RNF130: variants seen among roughly 807,000 people sequenced by gnomAD.
The protein encoded by RNF130 is E3 ubiquitin-protein ligase RNF130.
A neutral mutation model predicts 44.6 loss-of-function variants in RNF130; 21 were observed. The observed-to-expected ratio is 0.47, with a 90% confidence interval of 0.33 to 0.68. The LOEUF (loss-of-function observed/expected upper bound fraction) is 0.68, where lower values mean the gene tolerates loss of function less well. Among genes scored for constraint, RNF130 ranks in the 30% least tolerant of loss-of-function variants. The pLI, the probability that RNF130 is intolerant of heterozygous loss-of-function variation, is 0.02. For synonymous variants in RNF130, 214 were observed against 210.4 expected (o/e 1.02, Z -0.15); for missense variants, 479 against 560.6 (o/e 0.85, Z 1.47).
chr5:180,002,760 T>A (rs1763375197), intron 3 of RNF130, among the ~76,000 whole-genome samples: 2 of 152,192 alleles, frequency 1.3e-5, no homozygotes, highest in Non-Finnish European at 2.9e-5. Flanking sequence ...CTCAAACGTC[T>A]GTGCTCTCCA....
intron 7 of RNF130, among the ~76,000 whole-genome samples, chr5:179,949,547 T>C (rs923933241): frequency 9.9e-5 from 15 of 152,168 alleles, no homozygotes; most frequent in African/African-American, 3.6e-4. Context: ...TCTCTTGCAT[T>C]ACAAAAGTTT....
intron 7 of RNF130, among the ~76,000 whole-genome samples, chr5:179,935,868 A>G (rs921834648): frequency 4.6e-5 from 7 of 152,078 alleles, no homozygotes; most frequent in African/African-American, 1.2e-4. Context: ...TCCTTCCTGG[A>G]CAATGCAAGC....
chr5:179,937,284 C>G (rs1761904942), intron 7 of RNF130, among the ~76,000 whole-genome samples: 1 of 152,024 alleles, frequency 6.6e-6, no homozygotes, highest in African/African-American at 2.4e-5. Context: ...ATGGAGAAAA[C>G]ATTTGTAAAT....
chr5:180,024,413 A>C (rs1217750026), intron 2 of RNF130, among the ~76,000 whole-genome samples: 2 of 152,182 alleles, frequency 1.3e-5, no homozygotes, highest in African/African-American at 4.8e-5. Context: ...TATCTTCCCA[A>C]TTTTTCCATA....
intron 7 of RNF130, chr5:179,933,757 A>G (rs1386542623): frequency 4.4e-6 from 2 of 459,042 alleles, no homozygotes; most frequent in African/African-American, 4.1e-5. Context: ...TCTTAGGCGC[A>G]AGCGATTCAC....
In RNF130 at chr5:180,071,721, C is replaced by G; in HGVS notation, c.-19G>C. On this transcript the variant is annotated 5_prime_UTR_variant, in exon 1 of 9. Coordinates refer to ENST00000521389, the MANE Select transcript of RNF130 (RefSeq NM_018434.6). Reference sequence around the variant, plus strand: ...AGCTCATCGTCCCTCCGGCAGCCGCCGCTGCTCGCGGACCGGGCTCCGGGG... The same window carrying G: ...AGCTCATCGTCCCTCCGGCAGCCGCGGCTGCTCGCGGACCGGGCTCCGGGG... 8.1e-7 allele frequency: 1 copy of G among 1,240,388 alleles called. No homozygotes were observed. Among genetic ancestry groups the G allele is most frequent in the Non-Finnish European group, 1.0e-6 (1 of 993,462 alleles). The allele number at this position is 1,240,388 out of a possible 1,614,324, so 76.8% of individuals were successfully genotyped here. A position where few individuals can be genotyped will look rare whatever the true frequency, so the allele number is the denominator to read the frequency against.
At chr5:180,009,882 C>T (rs758845297) in intron 3 of RNF130, among the ~76,000 whole-genome samples, 2 of 152,100 alleles carry the variant, frequency 1.3e-5, no homozygotes, top group Non-Finnish European at 1.5e-5. Flanking sequence ...ATTAAACAAA[C>T]GGTGGTACAT....
chr5:179,950,954 T>C (rs1360611633), downstream of RNF130, among the ~76,000 whole-genome samples: 3 of 152,134 alleles, frequency 2.0e-5, no homozygotes, highest in African/African-American at 7.2e-5. Flanking sequence ...AACTATACCA[T>C]GAATCTACGA....
intron 2 of RNF130, among the ~76,000 whole-genome samples, chr5:180,027,861 G>A (rs1764025654): frequency 6.6e-6 from 1 of 152,186 alleles, no homozygotes; most frequent in African/African-American, 2.4e-5. Flanking sequence ...GGCTCCGGCT[G>A]CCCGGCTCTG....
intron 3 of RNF130, among the ~76,000 whole-genome samples, chr5:179,994,041 T>TG (rs1489488666): frequency 1.3e-5 from 2 of 152,190 alleles, no homozygotes; most frequent in Non-Finnish European, 2.9e-5. Context: ...GTTGTAGATG[T>TG]GTGGTATTAT....
chr5:179,954,269 A>G (rs145121377), downstream of RNF130, among the ~76,000 whole-genome samples: 2 of 152,234 alleles, frequency 1.3e-5, no homozygotes, highest in African/African-American at 2.4e-5. Flanking sequence ...AACTGAAAAT[A>G]TATGTTCAGG....
chr5:180,040,435 A>C lies in RNF130; in HGVS notation c.442+18T>G, dbSNP rs376481497. The C allele has an allele frequency of 1.2e-6, 2 of 1,600,660 alleles. No homozygotes were observed. Among genetic ancestry groups the C allele is most frequent in the Non-Finnish European group, 1.7e-6 (2 of 1,171,498 alleles). On this transcript the variant is annotated intron_variant, in intron 2 of 8. Coordinates refer to ENST00000521389, the MANE Select transcript of RNF130 (RefSeq NM_018434.6). ...TCTAAGAAGAAAAACAAAATCAACAACCCTCATTTTTGTTTACCTGGATGA... is the reference window on the plus strand; with the variant it reads ...TCTAAGAAGAAAAACAAAATCAACACCCCTCATTTTTGTTTACCTGGATGA...
At chr5:179,933,293 G>A (rs2033879592) in intron 7 of RNF130, among the ~76,000 whole-genome samples, 1 of 152,030 alleles carries the variant, frequency 6.6e-6, no homozygotes, top group African/African-American at 2.4e-5. Context: ...AGATGTAGGA[G>A]AATTTAGGTG....
intron 7 of RNF130, among the ~76,000 whole-genome samples, chr5:179,940,864 A>C (rs1292103555): frequency 1.3e-5 from 2 of 151,676 alleles, no homozygotes; most frequent in African/African-American, 4.8e-5. Flanking sequence ...CATCATCTAA[A>C]GACTCATGCC....
downstream of RNF130, among the ~76,000 whole-genome samples, chr5:179,952,335 C>T (rs1307303933): frequency 1.3e-5 from 2 of 151,798 alleles, no homozygotes; most frequent in African/African-American, 4.8e-5. Flanking sequence ...AATAAAAAAC[C>T]TGAATAGGCC....
intron 7 of RNF130, among the ~76,000 whole-genome samples, chr5:179,928,006 A>T (rs1395539108): frequency 6.6e-6 from 1 of 152,152 alleles, no homozygotes; most frequent in African/African-American, 2.4e-5. Context: ...CATCCGCCTC[A>T]GGGAATATAG....
chr5:179,981,512 C>T (rs1479394237), intron 3 of RNF130, among the ~76,000 whole-genome samples: 2 of 152,178 alleles, frequency 1.3e-5, no homozygotes, highest in African/African-American at 2.4e-5. Flanking sequence ...ATCTAACATC[C>T]GGCTTCCATT....
intron 7 of RNF130, chr5:179,939,830 C>T: frequency 5.4e-6 from 2 of 369,882 alleles, no homozygotes; most frequent in Non-Finnish European, 5.2e-6. Flanking sequence ...AAAATGGGTC[C>T]CTCCCACCAA....
chr5:180,019,857 C>G (rs373830461), intron 2 of RNF130, among the ~76,000 whole-genome samples: 30 of 152,318 alleles, frequency 2.0e-4, no homozygotes, highest in East Asian at 1.4e-3. Flanking sequence ...CACTCAAGCA[C>G]TGGGGAGCCA....
Sources: allele counts gnomAD v4.1 joint callset (sites outside exome capture counted in the v4.1 genomes callset), GRCh38; gene constraint gnomAD v4.1.1; transcripts MANE v1.5; gene names NCBI Gene and HGNC (gene_info 2026-07-23, HGNC 2026-07-21).